Variants in SORCS3 observed in about 807,000 individuals in gnomAD.
SORCS3 encodes VPS10 domain-containing receptor SorCS3.
Under a neutral mutation model 146.3 loss-of-function variants are expected in SORCS3, and 57 were observed. That is an observed-to-expected ratio of 0.39 (90% CI 0.31 to 0.49). SORCS3 has a LOEUF of 0.49. Among genes scored for constraint, SORCS3 ranks in the 20% least tolerant of loss-of-function variants. The pLI, the probability that SORCS3 is intolerant of heterozygous loss-of-function variation, is 0.92. For missense variants in SORCS3, 1,341 were observed against 1,575.5 expected, an observed-to-expected ratio of 0.85 and a Z score of 2.52; for synonymous variants, 653 against 618.5, an observed-to-expected ratio of 1.06 and a Z score of -0.83.
intron 1 of SORCS3, among the ~76,000 whole-genome samples, chr10:104,652,399 A>G (rs1225200618): frequency 6.6e-6 from 1 of 152,192 alleles, no homozygotes. Context: ...AAATGGGCAC[A>G]ATCCTGTTTA....
At chr10:105,002,304 G>T (rs1309792402) in intron 4 of SORCS3, among the ~76,000 whole-genome samples, 3 of 152,130 alleles carry the variant, frequency 2.0e-5, no homozygotes, top group Non-Finnish European at 4.4e-5. Flanking sequence ...GAGGTGACAG[G>T]TTCATGCATT....
chr10:104,950,561 G>GTT (rs1295298338), intron 3 of SORCS3, among the ~76,000 whole-genome samples: 1 of 152,130 alleles, frequency 6.6e-6, no homozygotes, highest in African/African-American at 2.4e-5. Flanking sequence ...TTTTAAGGCT[G>GTT]TTTTTATAGA....
At chr10:104,675,259 A>G (rs2015900293) in intron 1 of SORCS3, among the ~76,000 whole-genome samples, 1 of 152,216 alleles carries the variant, frequency 6.6e-6, no homozygotes, top group African/African-American at 2.4e-5. Flanking sequence ...ATTCTTTAGT[A>G]AAATGCCTGT....
chr10:105,186,986 C>T (rs2056481289), intron 14 of SORCS3, among the ~76,000 whole-genome samples: 1 of 151,996 alleles, frequency 6.6e-6, no homozygotes, highest in Non-Finnish European at 1.5e-5. Flanking sequence ...TCTGTCATTG[C>T]TCAACTCCAG....
intron 3 of SORCS3, 99 bp from the exon 4 acceptor site, chr10:104,977,236 A>G (rs1352795375): frequency 5.4e-6 from 5 of 924,552 alleles, no homozygotes; most frequent in South Asian, 4.9e-5. Context: ...TTTATGTGCT[A>G]TGGTGTACAA....
At chr10:104,715,693 A>T (rs1379815253) in intron 1 of SORCS3, among the ~76,000 whole-genome samples, 1 of 152,180 alleles carries the variant, frequency 6.6e-6, no homozygotes, top group Non-Finnish European at 1.5e-5. Flanking sequence ...GTGTATTTTA[A>T]AATGTATGGA....
chr10:105,020,015 C>T (rs2055189433), intron 4 of SORCS3, among the ~76,000 whole-genome samples: 1 of 152,134 alleles, frequency 6.6e-6, no homozygotes, highest in African/African-American at 2.4e-5. Context: ...GCAGCAGTAG[C>T]AGCTACTTAC....
chr10:105,074,561 A>T (rs1589619927), intron 5 of SORCS3, among the ~76,000 whole-genome samples: 1 of 152,226 alleles, frequency 6.6e-6, no homozygotes, highest in African/African-American at 2.4e-5. Context: ...CATGTCTCTC[A>T]TAAGATAGTG....
At chr10:104,728,417 G>T (rs2016667243) in intron 1 of SORCS3, among the ~76,000 whole-genome samples, 1 of 152,206 alleles carries the variant, frequency 6.6e-6, no homozygotes, top group African/African-American at 2.4e-5. Flanking sequence ...ACCTAGGCAA[G>T]ACTGAGAATT....
At chr10:105,160,449 A>C (rs1311416152) in intron 11 of SORCS3, among the ~76,000 whole-genome samples, 1 of 152,158 alleles carries the variant, frequency 6.6e-6, no homozygotes, top group Non-Finnish European at 1.5e-5. Context: ...CAACATGGTG[A>C]AACCCCGTCT....
chr10:104,712,329 C>T (rs142998718), intron 1 of SORCS3, among the ~76,000 whole-genome samples: 5 of 152,308 alleles, frequency 3.3e-5, no homozygotes, highest in African/African-American at 9.6e-5. Context: ...CTTTCTGCCA[C>T]GCAGCCTCTC....
intron 7 of SORCS3, among the ~76,000 whole-genome samples, chr10:105,114,208 A>G (rs962455867): frequency 3.9e-5 from 6 of 152,122 alleles, no homozygotes; most frequent in Admixed American, 6.6e-5. Flanking sequence ...TACTCTCTTC[A>G]TGGCACAGAG....
chr10:104,770,164 A>T (rs1048322881), intron 1 of SORCS3, among the ~76,000 whole-genome samples: 1 of 152,172 alleles, frequency 6.6e-6, no homozygotes, highest in African/African-American at 2.4e-5. Context: ...TACGTGAGGA[A>T]CAAATCTGGA....
intron 4 of SORCS3, among the ~76,000 whole-genome samples, chr10:105,040,666 A>C (rs1029846929): frequency 2.0e-5 from 3 of 152,052 alleles, no homozygotes; most frequent in Non-Finnish European, 4.4e-5. Context: ...TTTGTGTACT[A>C]TGTAATTTAG....
chr10:104,837,897 G>A (rs1399621116), intron 1 of SORCS3, among the ~76,000 whole-genome samples: 1 of 152,182 alleles, frequency 6.6e-6, no homozygotes, highest in East Asian at 1.9e-4. Context: ...TCACGTTAGA[G>A]CAGAACAAGC....
At chr10:105,169,870 A>AT (rs1266453542) in intron 13 of SORCS3, among the ~76,000 whole-genome samples, 1 of 152,106 alleles carries the variant, frequency 6.6e-6, no homozygotes, top group Non-Finnish European at 1.5e-5. Context: ...CTAAATCTTC[A>AT]TAAGAGAGTT....
intron 1 of SORCS3, among the ~76,000 whole-genome samples, chr10:104,663,556 C>T (rs370704073): frequency 6.6e-6 from 1 of 152,158 alleles, no homozygotes; most frequent in Non-Finnish European, 1.5e-5. Flanking sequence ...GTGGTGGCTC[C>T]CTCGCTCCCC....
chr10:104,705,885 A>T (rs1427698666), intron 1 of SORCS3, among the ~76,000 whole-genome samples: 1 of 152,252 alleles, frequency 6.6e-6, no homozygotes, highest in Non-Finnish European at 1.5e-5. Context: ...TATGAGCTTC[A>T]GGACCACTGG....
At chr10:104,981,049 G>A (rs1365153321) in intron 4 of SORCS3, among the ~76,000 whole-genome samples, 1 of 152,122 alleles carries the variant, frequency 6.6e-6, no homozygotes, top group Non-Finnish European at 1.5e-5. Flanking sequence ...GGGGGCAGAT[G>A]TACCTTCCAT....
Sources: allele counts gnomAD v4.1 joint callset (sites outside exome capture counted in the v4.1 genomes callset), GRCh38; gene constraint gnomAD v4.1.1; transcripts MANE v1.5; gene names NCBI Gene and HGNC (gene_info 2026-07-23, HGNC 2026-07-21).